The following ZNF804A variants were observed in gnomAD, a reference collection of about 807,000 sequenced individuals.
ZNF804A encodes the protein zinc finger protein 804A.
A neutral mutation model predicts 16.5 loss-of-function variants in ZNF804A; 2 were observed. That is an observed-to-expected ratio of 0.12 (90% CI 0.05 to 0.38). ZNF804A has a LOEUF of 0.38. ZNF804A is among the 10% of genes least tolerant of loss of function. The pLI is 0.99. For synonymous variants in ZNF804A, 534 were observed against 489.6 expected (o/e 1.09, Z -1.20); for missense variants, 1,473 against 1,390.7 (o/e 1.06, Z -0.94).
chr2:184,734,570 T>G (rs1290179791), intron 1 of ZNF804A, among the ~76,000 whole-genome samples: 2 of 152,204 alleles, frequency 1.3e-5, no homozygotes, highest in Non-Finnish European at 2.9e-5. Flanking sequence ...TGTTGAAGTG[T>G]GTTTTATTTG....
chr2:184,722,841 C>T (rs1365041029), intron 1 of ZNF804A, among the ~76,000 whole-genome samples: 2 of 151,938 alleles, frequency 1.3e-5, no homozygotes, highest in Non-Finnish European at 2.9e-5. Context: ...GAAACTCTGA[C>T]ATTGATGGAG....
At chr2:184,735,608 C>T (rs1285126594) in intron 1 of ZNF804A, among the ~76,000 whole-genome samples, 3 of 152,110 alleles carry the variant, frequency 2.0e-5, no homozygotes, top group Admixed American at 6.6e-5. Flanking sequence ...ATAAATAAAT[C>T]TTATGACTTA....
At chr2:184,636,583 G>C (rs979191267) in intron 1 of ZNF804A, among the ~76,000 whole-genome samples, 158 of 146,050 alleles carry the variant, frequency 1.1e-3, no homozygotes, top group African/African-American at 3.9e-3. Flanking sequence ...GTGTGTGTGT[G>C]TGTGTGTCTG....
intron 2 of ZNF804A, among the ~76,000 whole-genome samples, chr2:184,926,667 G>A (rs966940713): frequency 6.6e-5 from 10 of 151,888 alleles, no homozygotes; most frequent in Non-Finnish European, 1.3e-4. Flanking sequence ...GGTATTTTCC[G>A]GATCCTGTAG....
intron 1 of ZNF804A, among the ~76,000 whole-genome samples, chr2:184,665,215 A>T (rs544247929): frequency 6.6e-6 from 1 of 152,312 alleles, no homozygotes; most frequent in Admixed American, 6.5e-5. Flanking sequence ...AGTACTAGAT[A>T]AGCAATATCA....
In ZNF804A at chr2:184,864,875, A is replaced by ATTTTTTTTTTTTTTTTTT. The variant is rs34114485; in HGVS notation, c.112-1488_112-1471dup. Among the ~76,000 whole-genome samples the ATTTTTTTTTTTTTTTTTT allele has an allele frequency of 3.3e-4, 35 of 105,466 alleles. 2 individuals carry two copies. The highest frequency in any genetic ancestry group is 1.5e-3 in the African/African-American group (33 of 22,124). 69.2% of individuals were successfully genotyped at this position (105,466 alleles called of 152,430 possible). A position where few individuals can be genotyped will look rare whatever the true frequency, so the allele number is the denominator to read the frequency against. On this transcript the variant is annotated intron_variant, in intron 1 of 3. Coordinates refer to ENST00000302277, the MANE Select transcript of ZNF804A (RefSeq NM_194250.2). ...TAAGAGACTTGAATATATAGTTAGGATTTTTTTTTTTTTTTTTTTTTTTGA... is the reference window on the plus strand; with the variant it reads ...TAAGAGACTTGAATATATAGTTAGGATTTTTTTTTTTTTTTTTTTTTTTTTTTTTTTTTTTTTTTTTGA...
intron 1 of ZNF804A, among the ~76,000 whole-genome samples, chr2:184,805,172 CCTT>C (rs918545143): frequency 2.6e-5 from 4 of 152,104 alleles, no homozygotes; most frequent in Non-Finnish European, 5.9e-5. Context: ...TTAAGAACCT[CCTT>C]CTCAGTTTTA....
At chr2:184,889,906 A>G (rs1333604237) in intron 2 of ZNF804A, among the ~76,000 whole-genome samples, 1 of 152,154 alleles carries the variant, frequency 6.6e-6, no homozygotes, top group East Asian at 1.9e-4. Context: ...ATGAAATGAT[A>G]CAATTATTCC....
chr2:184,893,801 T>C (rs1431212353), intron 2 of ZNF804A, among the ~76,000 whole-genome samples: 3 of 152,166 alleles, frequency 2.0e-5, no homozygotes, highest in Non-Finnish European at 4.4e-5. Flanking sequence ...AATTCGTTGA[T>C]ATATACTGAA....
intron 1 of ZNF804A, among the ~76,000 whole-genome samples, chr2:184,804,499 C>T (rs1694773814): frequency 6.6e-6 from 1 of 152,164 alleles, no homozygotes; most frequent in African/African-American, 2.4e-5. Flanking sequence ...TCAGGTCCCA[C>T]ACTCAAGTAA....
chr2:184,805,430 G>T (rs983202412), intron 1 of ZNF804A, among the ~76,000 whole-genome samples: 2 of 152,036 alleles, frequency 1.3e-5, no homozygotes, highest in Non-Finnish European at 2.9e-5. Context: ...TTTGGAATAT[G>T]CTTGTTAAAT....
At chr2:184,873,442 C>T (rs1268672277) in intron 2 of ZNF804A, among the ~76,000 whole-genome samples, 1 of 152,110 alleles carries the variant, frequency 6.6e-6, no homozygotes, top group African/African-American at 2.4e-5. Flanking sequence ...GAGCCATGAT[C>T]GCACCACTGC....
chr2:184,833,718 C>T (rs1383333825), intron 1 of ZNF804A, among the ~76,000 whole-genome samples: 1 of 151,924 alleles, frequency 6.6e-6, no homozygotes, highest in Admixed American at 6.6e-5. Flanking sequence ...GAATGTAATT[C>T]TCAAAACATT....
intron 1 of ZNF804A, among the ~76,000 whole-genome samples, chr2:184,629,519 G>A (rs1032488610): frequency 6.6e-6 from 1 of 152,100 alleles, no homozygotes; most frequent in Non-Finnish European, 1.5e-5. Context: ...ATGAATTCAG[G>A]ATGAGAGTTG....
At chr2:184,767,704 G>A (rs1393215390) in intron 1 of ZNF804A, among the ~76,000 whole-genome samples, 1 of 152,050 alleles carries the variant, frequency 6.6e-6, no homozygotes, top group Non-Finnish European at 1.5e-5. Context: ...CTTTTGAAAT[G>A]TAAAAGTAAA....
intron 1 of ZNF804A, among the ~76,000 whole-genome samples, chr2:184,775,476 G>A (rs1053020827): frequency 2.0e-5 from 3 of 151,548 alleles, no homozygotes; most frequent in Admixed American, 1.3e-4. Flanking sequence ...TTATAGAGTG[G>A]CCGGTGCCAT....
chr2:184,713,843 A>G (rs899637387), intron 1 of ZNF804A, among the ~76,000 whole-genome samples: 23 of 152,032 alleles, frequency 1.5e-4, no homozygotes, highest in African/African-American at 5.6e-4. Context: ...CTTAATGCAA[A>G]AGAGGAAATA....
intron 1 of ZNF804A, among the ~76,000 whole-genome samples, chr2:184,781,134 A>G (rs1179187147): frequency 1.3e-4 from 19 of 151,738 alleles, no homozygotes. Flanking sequence ...CAAAATACAC[A>G]TTGTATTTCT....
chr2:184,608,006 C>T (rs960917846), intron 1 of ZNF804A, among the ~76,000 whole-genome samples: 2 of 114,246 alleles, frequency 1.8e-5, no homozygotes, highest in African/African-American at 6.8e-5. Context: ...AGTGCAGTGG[C>T]GGGATCTCGG....
Sources: allele counts gnomAD v4.1 joint callset (sites outside exome capture counted in the v4.1 genomes callset), GRCh38; gene constraint gnomAD v4.1.1; transcripts MANE v1.5; gene names NCBI Gene and HGNC (gene_info 2026-07-23, HGNC 2026-07-21).